Variants in SEC23IP observed in about 807,000 individuals in gnomAD.
SEC23IP encodes the protein SEC23-interacting protein.
Under a neutral mutation model 113.4 loss-of-function variants are expected in SEC23IP, and 70 were observed. The observed-to-expected ratio is 0.62, with a 90% confidence interval of 0.51 to 0.75. The LOEUF (loss-of-function observed/expected upper bound fraction) is 0.75. Among genes scored for constraint, SEC23IP ranks in the 30% least tolerant of loss-of-function variants. The probability of loss-of-function intolerance (pLI) is 0.00; values close to 1 mark genes in which losing one functional copy is unlikely to be tolerated. For missense variants in SEC23IP, 1,160 were observed against 1,204.9 expected (o/e 0.96, Z 0.55); for synonymous variants, 398 against 421.0 (o/e 0.95, Z 0.67).
At chr10:119,903,391 ATGC>A (rs1484803252) in intron 3 of SEC23IP, among the ~76,000 whole-genome samples, 1 of 152,210 alleles carries the variant, frequency 6.6e-6, no homozygotes. Context: ...AGTTTTGGAA[ATGC>A]TGCTCTCTGT....
chr10:119,902,801 T>G lies in SEC23IP; in HGVS notation c.699T>G (p.Val233=). The G allele has an allele frequency of 6.2e-7, 1 of 1,613,690 alleles. No homozygotes were observed. The highest frequency in any genetic ancestry group is 8.5e-7 in the Non-Finnish European group (1 of 1,179,816). Residue 233 remains valine, a splice_region_variant and synonymous_variant, in exon 3 of 19, where the codon GTT becomes GTG. Coordinates refer to ENST00000369075, the MANE Select transcript of SEC23IP (RefSeq NM_007190.4). The part of the protein sequence containing the change: ...YQMPPGSLPP[V]PSSVQSPAQQ... The stretch of plus-strand genomic sequence containing the variant: ...CTTAACTTTGCCGTCCCCTCCAGGT[T>G]CCTTCTTCAGTGCAGTCACCGGCAC...
intron 1 of SEC23IP, 198 bp from the exon 2 acceptor site, chr10:119,898,229 A>T: frequency 1.0e-6 from 1 of 978,314 alleles, no homozygotes; most frequent in South Asian, 2.8e-5. Flanking sequence ...ATGTTTTCTT[A>T]TTCATGTTTT....
At position 119,916,684 on chromosome 10, in the gene SEC23IP, A is replaced by T. The variant is rs150633171; in HGVS notation, c.1544+795A>T. On this transcript the variant is annotated intron_variant, in intron 8 of 18. Coordinates refer to ENST00000369075, the MANE Select transcript of SEC23IP (RefSeq NM_007190.4). ...GTTTTTTCTGTTTGATATTCTCTTT[A>T]GTCCTTTTGACCCACAAGTTTTGTC... 2.4e-3 allele frequency among the ~76,000 whole-genome samples: 361 copies of T among 152,140 alleles called. 1 individual carries two copies. The highest frequency in any genetic ancestry group is 7.9e-3 in the African/African-American group (328 of 41,490).
chr10:119,898,901 C>T lies in SEC23IP; in HGVS notation c.638C>T (p.Pro213Leu). 6 of 1,603,814 alleles carry T rather than the reference C, an allele frequency of 3.7e-6. No homozygotes were observed. The highest frequency in any genetic ancestry group is 5.1e-6 in the Non-Finnish European group (6 of 1,179,724). The change falls in exon 2 of 19, where the codon CCT becomes CTT. Residue 213 changes from proline to leucine, a missense_variant. By Grantham distance (98) the Pro-to-Leu change is moderately conservative. Coordinates refer to ENST00000369075, the MANE Select transcript of SEC23IP (RefSeq NM_007190.4). ...QCQTPGPPAH[P>L]PPSGPPVQMY... ...CAAACACCAGGCCCTCCTGCTCATCCTCCACCTTCTGGACCCCCTGTTCAG... is the reference window on the plus strand; with the variant it reads ...CAAACACCAGGCCCTCCTGCTCATCTTCCACCTTCTGGACCCCCTGTTCAG...
chr10:119,917,244 G>T (rs1025306518), intron 8 of SEC23IP, among the ~76,000 whole-genome samples: 1 of 151,944 alleles, frequency 6.6e-6, no homozygotes, highest in African/African-American at 2.4e-5. Context: ...CTGTCACCCA[G>T]GCTGGAGTGT....
chr10:119,918,618 G>GTTTT, intron 10 of SEC23IP, 107 bp downstream of exon 10: 1 of 771,402 alleles, frequency 1.3e-6, no homozygotes, highest in Non-Finnish European at 2.2e-6. Flanking sequence ...TTGTTTGTTT[G>GTTTT]TTTGTTTGTT....
chr10:119,920,171 A>T (rs1855203742), intron 11 of SEC23IP, among the ~76,000 whole-genome samples: 1 of 152,216 alleles, frequency 6.6e-6, no homozygotes, highest in African/African-American at 2.4e-5. Flanking sequence ...AAAATATTAC[A>T]AACTCTTTGG....
chr10:119,898,365 G>A (rs186527650), intron 1 of SEC23IP, 62 bp from the exon 2 acceptor site: 95 of 1,487,006 alleles, frequency 6.4e-5, no homozygotes, highest in Non-Finnish European at 5.5e-5. Context: ...CTTCCTTATA[G>A]AATCGTATCT....
chr10:119,906,995 G>T (rs1347626841), intron 4 of SEC23IP, among the ~76,000 whole-genome samples: 8 of 151,312 alleles, frequency 5.3e-5, no homozygotes, highest in African/African-American at 1.7e-4. Flanking sequence ...CGAAGAGGAG[G>T]GTCAGAAGTA....
intron 6 of SEC23IP, chr10:119,914,485 G>A: frequency 2.1e-6 from 1 of 469,758 alleles, no homozygotes. Flanking sequence ...CTCATCATGT[G>A]CTATTAGCTT....
At chr10:119,912,250 T>G in intron 6 of SEC23IP, 86 bp downstream of exon 6, 1 of 1,385,748 alleles carries the variant, frequency 7.2e-7, no homozygotes, top group Non-Finnish European at 9.9e-7. Flanking sequence ...AAATAAACAG[T>G]TATTAGAATG....
intron 9 of SEC23IP, 136 bp downstream of exon 9, chr10:119,918,180 G>T: frequency 1.3e-6 from 1 of 784,290 alleles, no homozygotes; most frequent in Admixed American, 2.8e-5. Context: ...TGAATGCTCT[G>T]AGTTTAGATT....
chr10:119,912,116 A>G lies in SEC23IP; in HGVS notation c.1264A>G (p.Arg422Gly), dbSNP rs775822871. The change falls in exon 6 of 19, where the codon AGG becomes GGG. Residue 422 changes from arginine to glycine, a missense_variant. Arg to Gly is a moderately radical substitution (Grantham distance 125, BLOSUM62 -2). Coordinates refer to ENST00000369075, the MANE Select transcript of SEC23IP (RefSeq NM_007190.4). ...GTTQDGQTRP[R>G]VVKRGIDDNL... is the part of the protein sequence containing the mutation. ...CACGCAAGATGGACAGACAAGGCCC[A>G]GGGTTGTAAAGCGTGGAATTGATGA... 3.7e-6 allele frequency: 6 copies of G among 1,614,120 alleles called. No individual in the cohort carries two copies. The Admixed American group carries it at 6.7e-5, about 18-fold the overall frequency.
At chr10:119,919,773 T>G (rs1330264940) in intron 11 of SEC23IP, among the ~76,000 whole-genome samples, 177 bp downstream of exon 11, 1 of 152,136 alleles carries the variant, frequency 6.6e-6, no homozygotes, top group African/African-American at 2.4e-5. Flanking sequence ...CTTTTCTGAG[T>G]ATGATGCAAA....
chr10:119,905,634 T>G (rs1854637962), intron 4 of SEC23IP, among the ~76,000 whole-genome samples: 1 of 152,204 alleles, frequency 6.6e-6, no homozygotes, highest in Non-Finnish European at 1.5e-5. Flanking sequence ...GGTGATCCTC[T>G]TCTGTCAGAG....
intron 4 of SEC23IP, among the ~76,000 whole-genome samples, chr10:119,908,693 T>C (rs1344516936): frequency 6.6e-6 from 1 of 152,190 alleles, no homozygotes; most frequent in Non-Finnish European, 1.5e-5. Flanking sequence ...CCTGCCTTCC[T>C]GGCACCTAAT....
rs770733672 is a variant in SEC23IP, at chr10:119,932,287, C to G, written c.2727C>G (p.Ile909Met). 4.3e-6 allele frequency: 7 copies of G among 1,612,118 alleles called. No individual in the cohort carries two copies. The highest frequency in any genetic ancestry group is 5.9e-6 in the Non-Finnish European group (7 of 1,179,314). Reference protein sequence around the residue: ...QEELEKVANQIKEEEEKQVVE... With the variant: ...QEELEKVANQMKEEEEKQVVE... The stretch of plus-strand genomic sequence containing the variant: ...AATTGGAGAAGGTGGCCAATCAGAT[C>G]AAAGAAGAAGAAGAAAAGCAAGTAG... The change falls in exon 16 of 19, where the codon ATC becomes ATG. Residue 909 changes from isoleucine (I) to methionine (M), a missense_variant. By Grantham distance (10) the Ile-to-Met change is conservative. Coordinates refer to ENST00000369075, the MANE Select transcript of SEC23IP (RefSeq NM_007190.4).
At position 119,942,344 on chromosome 10, in the gene SEC23IP, TACAC is replaced by T. The variant is rs3981101; in HGVS notation, c.*1787_*1790del. 1 of 151,982 alleles carries T rather than the reference TACAC, an allele frequency of 6.6e-6. No individual in the cohort carries two copies. The highest frequency in any genetic ancestry group is 2.1e-4 in the South Asian group (1 of 4,818). The allele number at this position is 151,982 out of a possible 1,614,324, so 9.4% of individuals were successfully genotyped here. ...ATACTCATACATACATATATATATA[TACAC>T]ACACACATATGTATGTATGTATGTA... is the stretch of plus-strand genomic sequence containing the variant. On this transcript the variant is annotated 3_prime_UTR_variant, in exon 19 of 19. Coordinates refer to ENST00000369075, the MANE Select transcript of SEC23IP (RefSeq NM_007190.4).
chr10:119,910,741 T>C (rs186562711), intron 5 of SEC23IP, among the ~76,000 whole-genome samples: 1 of 152,256 alleles, frequency 6.6e-6, no homozygotes, highest in East Asian at 1.9e-4. Context: ...TGTAGTGCAG[T>C]GGCCAATCAC....
Sources: allele counts gnomAD v4.1 joint callset (sites outside exome capture counted in the v4.1 genomes callset), GRCh38; gene constraint gnomAD v4.1.1; transcripts MANE v1.5; gene names NCBI Gene and HGNC (gene_info 2026-07-23, HGNC 2026-07-21).